LRRC43: variants seen among roughly 807,000 people sequenced by gnomAD.
LRRC43 encodes leucine-rich repeat-containing protein 43.
Under a neutral mutation model 64.3 loss-of-function variants are expected in LRRC43, and 62 were observed. The observed-to-expected ratio is 0.96, with a 90% confidence interval of 0.79 to 1.19. The LOEUF (loss-of-function observed/expected upper bound fraction) is 1.19, where lower values mean the gene tolerates loss of function less well. LRRC43 is among the 50% of genes most tolerant of loss of function. The pLI, the probability that LRRC43 is intolerant of heterozygous loss-of-function variation, is 0.00. For synonymous variants in LRRC43, 422 were observed against 382.3 expected (o/e 1.10, Z -1.21); for missense variants, 868 against 845.0 (o/e 1.03, Z -0.34).
chr12:122,190,013 C>A, intron 4 of LRRC43, 117 bp from the exon 5 acceptor site: 1 of 849,136 alleles, frequency 1.2e-6, no homozygotes, highest in Non-Finnish European at 2.0e-6. Flanking sequence ...GACAGGGGTG[C>A]AGGCCGTGGA....
Position 122,192,890 on chromosome 12 carries a change from C to A in LRRC43, c.1235C>A (p.Ser412Ter). 3.1e-6 allele frequency: 5 copies of A among 1,614,066 alleles called. No homozygotes were observed. The highest frequency in any genetic ancestry group is 4.2e-6 in the Non-Finnish European group (5 of 1,180,016). The change falls in exon 7 of 12, where the codon TCG (serine) becomes TAG (stop). Residue 412 changes from serine (S) to a stop codon, truncating the protein, a stop_gained. Transcript: ENST00000339777. LOFTEE classifies it high-confidence loss of function. ...LESEVEESGE[S>*]ELSVISGPST... ...TCTGAGGTGGAGGAGTCAGGAGAGT[C>A]GGAGCTGTCTGTCATCTCGGGGCCT...
chr12:122,174,222 T>G, intron 1 of LRRC43: 1 of 1,612,096 alleles, frequency 6.2e-7, no homozygotes, highest in Non-Finnish European at 8.5e-7. Flanking sequence ...GAGCCAGATG[T>G]GTTCGCCATG....
At chr12:122,171,165 G>A (rs917858210) in intron 1 of LRRC43, among the ~76,000 whole-genome samples, 4 of 152,190 alleles carry the variant, frequency 2.6e-5, no homozygotes, top group African/African-American at 4.8e-5. Flanking sequence ...TGCATGCCGC[G>A]CCTGGCATTG....
At chr12:122,189,522 A>C in intron 4 of LRRC43, 1 of 456,620 alleles carries the variant, frequency 2.2e-6, no homozygotes, top group Non-Finnish European at 4.4e-6. Flanking sequence ...GCAGCAGGAA[A>C]GTCACCCTGC....
chr12:122,192,684 G>C, intron 6 of LRRC43, 61 bp from the exon 7 acceptor site: 1 of 1,579,664 alleles, frequency 6.3e-7, no homozygotes, highest in South Asian at 1.1e-5. Context: ...GACACCCCCG[G>C]CATCAGCTGA....
chr12:122,200,927 T>C lies in LRRC43; in HGVS notation c.1802T>C (p.Leu601Ser). 8 of 1,600,370 alleles carry C rather than the reference T, an allele frequency of 5.0e-6. No individual in the cohort carries two copies. The highest frequency in any genetic ancestry group is 6.8e-6 in the Non-Finnish European group (8 of 1,173,506). ...ACATTGACATCTGACAGGCTGACGTTGGCCAGGGTACAGCCGGGCCCTAGC... is the reference window on the plus strand; with the variant it reads ...ACATTGACATCTGACAGGCTGACGTCGGCCAGGGTACAGCCGGGCCCTAGC... The part of the protein sequence containing the change: ...VRTLTSDRLT[L>S]ARDSKKIKKV... The change falls in exon 10 of 12, where the codon TTG (leucine) becomes TCG (serine). Residue 601 changes from leucine to serine, a missense_variant. By Grantham distance (145) the Leu-to-Ser change is moderately radical (BLOSUM62 -2). Coordinates refer to ENST00000339777, the MANE Select transcript of LRRC43 (RefSeq NM_001098519.2). This position sits in a 1 kb window ranked among gnomAD's most constrained non-coding sequence, Gnocchi z 4.6.
chr12:122,199,780 C>T (rs1434776173), intron 7 of LRRC43, among the ~76,000 whole-genome samples: 1 of 151,974 alleles, frequency 6.6e-6, no homozygotes, highest in African/African-American at 2.4e-5. Context: ...AACGGGGTCT[C>T]GATATGTTGC....
chr12:122,180,243 G>C (rs1953570716), upstream of LRRC43, among the ~76,000 whole-genome samples: 1 of 152,086 alleles, frequency 6.6e-6, no homozygotes, highest in Non-Finnish European at 1.5e-5. Flanking sequence ...ATAGGCCAGG[G>C]GCGAGTGGCT....
At position 122,200,720 on chromosome 12, in the gene LRRC43, ACCCTCCTGTCCT is replaced by A. The variant is rs754741715; in HGVS notation, c.1621-22_1621-11del. On this transcript the variant is annotated splice_polypyrimidine_tract_variant and intron_variant, in intron 9 of 11. Coordinates refer to ENST00000339777, the MANE Select transcript of LRRC43 (RefSeq NM_001098519.2). This position sits in a 1 kb window ranked among gnomAD's most constrained non-coding sequence, Gnocchi z 4.6. ...CCACACCCTTGCTTCAACTTGTCCC[ACCCTCCTGTCCT>A]CCCGTCGTCGCAGGAGTGGAAGGTG... The A allele has an allele frequency of 1.2e-6, 2 of 1,612,872 alleles. No homozygotes were observed. The highest frequency in any genetic ancestry group is 1.7e-6 in the Non-Finnish European group (2 of 1,179,884).
upstream of LRRC43, chr12:122,182,987 T>A (rs777142037): frequency 4.7e-5 from 58 of 1,235,524 alleles, no homozygotes; most frequent in Non-Finnish European, 6.0e-5. Flanking sequence ...TGTTATCCCA[T>A]TTTTATAGAT....
chr12:122,191,263 G>A (rs1953714534), intron 5 of LRRC43, 117 bp from the exon 6 acceptor site: 3 of 838,502 alleles, frequency 3.6e-6, no homozygotes, highest in Non-Finnish European at 5.5e-6. Context: ...GCCCCACCAA[G>A]GCTCAGCCCT....
At chr12:122,187,913 G>T (rs1298438463) in intron 4 of LRRC43, 73 bp downstream of exon 4, 2 of 1,501,376 alleles carry the variant, frequency 1.3e-6, no homozygotes, top group African/African-American at 2.8e-5. Context: ...TACCCCAGTG[G>T]CTTGAGAACT....
chr12:122,187,402 G>A (rs963742738), intron 3 of LRRC43: 15 of 268,556 alleles, frequency 5.6e-5, no homozygotes, highest in Admixed American at 1.5e-4. Flanking sequence ...TCCCAGAGAC[G>A]CATTCCTATG....
Position 122,184,426 on chromosome 12 carries a change from C to G in LRRC43, c.151-93C>G, listed in dbSNP as rs772598836. 58 of 1,450,772 alleles carry G rather than the reference C, an allele frequency of 4.0e-5. 1 individual carries two copies. The South Asian group carries it at 7.3e-4, about 18-fold the overall frequency. The allele number at this position is 1,450,772 out of a possible 1,614,324, so 89.9% of individuals were successfully genotyped here. ...TAGATTTCTAAACTCTATCCCTAAT[C>G]GTCCAGTTTTATGATCTGTTCTGTT... On this transcript the variant is annotated intron_variant, in intron 1 of 11. Coordinates refer to ENST00000339777, the MANE Select transcript of LRRC43 (RefSeq NM_001098519.2). The surrounding 1 kb of genome is among the most constrained non-coding windows in gnomAD (Gnocchi z 4.0).
chr12:122,201,058 TC>T, intron 10 of LRRC43, 124 bp downstream of exon 10: 2 of 1,259,270 alleles, frequency 1.6e-6, no homozygotes, highest in South Asian at 2.9e-5. Flanking sequence ...GGAGGGCCTT[TC>T]CCTGGGGCAT....
At position 122,184,374 on chromosome 12, in the gene LRRC43, A is replaced by C. The variant is rs183066307; in HGVS notation, c.151-145A>C. Reference sequence around the variant, plus strand: ...CTCCCAAAGTGCTGGGATTACAGGCATGAGCCACCGCACCTGGCCTACTCT... The same window carrying C: ...CTCCCAAAGTGCTGGGATTACAGGCCTGAGCCACCGCACCTGGCCTACTCT... On this transcript the variant is annotated intron_variant, in intron 1 of 11. Transcript: ENST00000339777. This position sits in a 1 kb window ranked among gnomAD's most constrained non-coding sequence, Gnocchi z 4.0. 5.1e-4 allele frequency: 530 copies of C among 1,033,548 alleles called. 1 individual carries two copies. Among genetic ancestry groups the C allele is most frequent in the Admixed American group, 2.4e-3 (89 of 36,438 alleles). The allele number at this position is 1,033,548 out of a possible 1,614,324, so 64.0% of individuals were successfully genotyped here.
At chr12:122,189,977 C>G (rs1309373484) in intron 4 of LRRC43, 153 bp from the exon 5 acceptor site, 35 of 704,722 alleles carry the variant, frequency 5.0e-5, no homozygotes, top group Non-Finnish European at 7.1e-5. Context: ...CGTTCCCGAC[C>G]CGGGGTTAAC....
Position 122,184,668 on chromosome 12 carries a change from C to T in LRRC43, c.300C>T (p.Asn100=), listed in dbSNP as rs1280436753. 4 of 1,614,002 alleles carry T rather than the reference C, an allele frequency of 2.5e-6. No homozygotes were observed. The highest frequency in any genetic ancestry group is 2.2e-5 in the East Asian group (1 of 44,878). ...SRHSPWALLN[N]SNAEDSFLRE... Reference sequence around the variant, plus strand: ...ACTCCCCCTGGGCTCTGCTGAACAACTCGAATGCAGAAGACAGTTTCCTGA... The same window carrying T: ...ACTCCCCCTGGGCTCTGCTGAACAATTCGAATGCAGAAGACAGTTTCCTGA... Residue 100 remains asparagine, a synonymous_variant, in exon 2 of 12, where the codon AAC becomes AAT. Transcript: ENST00000339777. The surrounding 1 kb of genome is among the most constrained non-coding windows in gnomAD (Gnocchi z 4.0).
chr12:122,169,237 T>C (rs974319984), intron 1 of LRRC43, among the ~76,000 whole-genome samples: 5 of 152,150 alleles, frequency 3.3e-5, no homozygotes, highest in African/African-American at 4.8e-5. Context: ...TGTGGACATA[T>C]GTTAAAGCCA....
Sources: allele counts gnomAD v4.1 joint callset (sites outside exome capture counted in the v4.1 genomes callset), GRCh38; gene constraint gnomAD v4.1.1; non-coding constraint Gnocchi (gnomAD v3.1); transcripts MANE v1.5; gene names NCBI Gene and HGNC (gene_info 2026-07-23, HGNC 2026-07-21).